Variants in C6 observed in about 807,000 individuals in gnomAD.
The protein encoded by C6 is complement C6.
A neutral mutation model predicts 112.9 loss-of-function variants in C6; 101 were observed. The observed-to-expected ratio is 0.89, with a 90% CI of 0.76 to 1.06. The LOEUF (loss-of-function observed/expected upper bound fraction) is 1.06. Among genes scored for constraint, C6 ranks in the 50% least tolerant of loss-of-function variants. C6 has a pLI of 0.00. For missense variants in C6, 1,202 were observed against 1,104.6 expected (o/e 1.09, Z -1.25); for synonymous variants, 431 against 384.1 (o/e 1.12, Z -1.43).
upstream of C6, among the ~76,000 whole-genome samples, chr5:41,216,230 A>G (rs776235715): frequency 1.3e-5 from 2 of 152,134 alleles, no homozygotes; most frequent in Non-Finnish European, 2.9e-5. Context: ...TTTGAAATCT[A>G]TGTGATAAAT....
intron 7 of C6, among the ~76,000 whole-genome samples, chr5:41,180,742 T>C (rs1749261088): frequency 6.6e-6 from 1 of 152,052 alleles, no homozygotes; most frequent in Admixed American, 6.6e-5. Flanking sequence ...GTCAGGATAT[T>C]CTTTATATTT....
At chr5:41,218,756 T>C (rs1352407681) in intron 1 of C6, among the ~76,000 whole-genome samples, 2 of 151,994 alleles carry the variant, frequency 1.3e-5, no homozygotes, top group African/African-American at 4.8e-5. Context: ...TTAAACACAG[T>C]GTGAAGCTTG....
rs1203420130 is a variant in C6 at position 41,160,335 on chromosome 5, G to T, written c.1491C>A (p.Ile497=). 2.5e-6 allele frequency: 4 copies of T among 1,613,758 alleles called. No homozygotes were observed. The highest frequency in any genetic ancestry group is 3.4e-6 in the Non-Finnish European group (4 of 1,179,784). The change falls in exon 11 of 18, where the codon ATC becomes ATA. Residue 497 remains isoleucine (I), a synonymous_variant. Coordinates refer to ENST00000337836, the MANE Select transcript of C6 (RefSeq NM_000065.5). The part of the protein sequence containing the change: ...LAPIVDLVRN[I]PCAVTKRNNL... Reference sequence around the variant, plus strand: ...TGTTCCGTTTTGTCACTGCACAGGGGATGTTTCTTACCAAGTCCACGATGG... The same window carrying T: ...TGTTCCGTTTTGTCACTGCACAGGGTATGTTTCTTACCAAGTCCACGATGG...
chr5:41,163,218 C>G (rs1747685351), intron 9 of C6, among the ~76,000 whole-genome samples: 1 of 150,842 alleles, frequency 6.6e-6, no homozygotes, highest in African/African-American at 2.4e-5. Context: ...ACAATCTTCT[C>G]AGAAGCCACA....
chr5:41,239,431 G>C (rs1177627731), intron 1 of C6, among the ~76,000 whole-genome samples: 1 of 151,986 alleles, frequency 6.6e-6, no homozygotes, highest in Non-Finnish European at 1.5e-5. Flanking sequence ...TCATTTCTAT[G>C]TGTTGGGAAT....
At chr5:41,204,350 A>T (rs563349832) in intron 1 of C6, among the ~76,000 whole-genome samples, 60 of 152,354 alleles carry the variant, frequency 3.9e-4, no homozygotes, top group Non-Finnish European at 7.2e-4. Flanking sequence ...CTAGCTTTTC[A>T]AATTAGTAAT....
At chr5:41,245,263 C>G (rs1323230980) in intron 1 of C6, among the ~76,000 whole-genome samples, 9 of 152,112 alleles carry the variant, frequency 5.9e-5, no homozygotes, top group African/African-American at 2.2e-4. Flanking sequence ...TGTGTGGTGG[C>G]TCACGCCTGT....
intron 1 of C6, among the ~76,000 whole-genome samples, chr5:41,207,384 C>T (rs1400447909): frequency 6.6e-6 from 1 of 152,166 alleles, no homozygotes; most frequent in Admixed American, 6.5e-5. Context: ...ACAATATTAA[C>T]CTTAAATGTA....
intron 1 of C6, among the ~76,000 whole-genome samples, chr5:41,233,563 A>G (rs1233173057): frequency 1.3e-5 from 2 of 152,112 alleles, no homozygotes; most frequent in Non-Finnish European, 2.9e-5. Context: ...AACGAGATGC[A>G]GCTATTCTCA....
rs186960114 is a variant in C6, at chr5:41,158,736, G to A, written c.1906C>T (p.Pro636Ser). ...CACCCGGAATCTGCTTCTATCTCAG[G>A]AAGATCGACCTCTTTCATTTCTTCG... ...DDEEMKEVDL[P>S]EIEADSGCPQ... Residue 636 changes from proline to serine, a missense_variant, in exon 13 of 18, where the codon CCT (proline) becomes TCT (serine). Transcript: ENST00000337836. 3.1e-6 allele frequency: 5 copies of A among 1,611,112 alleles called. No individual in the cohort carries two copies. In the African/African-American group the frequency reaches 4.0e-5, roughly 13 times the overall value.
chr5:41,224,965 T>G (rs191610519), intron 1 of C6, among the ~76,000 whole-genome samples: 14 of 152,296 alleles, frequency 9.2e-5, no homozygotes, highest in Admixed American at 7.2e-4. Context: ...TTACAGGAAA[T>G]TTGCGTATCC....
chr5:41,205,579 C>T (rs1341607001), intron 1 of C6, among the ~76,000 whole-genome samples: 2 of 152,218 alleles, frequency 1.3e-5, no homozygotes, highest in Admixed American at 1.3e-4. Flanking sequence ...TTATATCCCG[C>T]ACCTGGCTCG....
chr5:41,259,504 C>G (rs892286084), intron 1 of C6, among the ~76,000 whole-genome samples: 1 of 131,994 alleles, frequency 7.6e-6, no homozygotes, highest in Non-Finnish European at 1.6e-5. Flanking sequence ...CAATTTTCAG[C>G]CCCTGAAATT....
intron 5 of C6, among the ~76,000 whole-genome samples, chr5:41,194,565 T>C (rs1275830046): frequency 6.6e-6 from 1 of 152,200 alleles, no homozygotes; most frequent in African/African-American, 2.4e-5. Flanking sequence ...AGTTTTCATA[T>C]TATGCAACTC....
chr5:41,229,137 TA>T (rs1164640884), intron 1 of C6, among the ~76,000 whole-genome samples: 1 of 152,040 alleles, frequency 6.6e-6, no homozygotes, highest in East Asian at 1.9e-4. Context: ...AATCAACTCT[TA>T]ATTTTATTGA....
At chr5:41,152,064 G>A (rs1268786790) in intron 15 of C6, among the ~76,000 whole-genome samples, 2 of 151,716 alleles carry the variant, frequency 1.3e-5, no homozygotes, top group Non-Finnish European at 2.9e-5. Flanking sequence ...GGAGAGGAAA[G>A]GAGAGGAAAA....
At chr5:41,223,069 G>T (rs1739277650) in intron 1 of C6, among the ~76,000 whole-genome samples, 2 of 152,064 alleles carry the variant, frequency 1.3e-5, no homozygotes, top group Admixed American at 6.6e-5. Flanking sequence ...TTATGTTATT[G>T]TGAGGGATAA....
chr5:41,169,582 C>T lies in C6; in HGVS notation c.1291+2643G>A, dbSNP rs532658193. Among the ~76,000 whole-genome samples the T allele has an allele frequency of 3.9e-5, 6 of 152,102 alleles. No individual in the cohort carries two copies. The South Asian group carries it at 6.3e-4, about 16-fold the overall frequency. On this transcript the variant is annotated intron_variant, in intron 9 of 17. Transcript: ENST00000337836. ...AAGAAAAGAGGTTTAATTGGGTCAC[C>T]GTTCCACAGGCTGTACAGGAAGCCT...
chr5:41,158,813 A>G, intron 12 of C6, 28 bp from the exon 13 acceptor site: 3 of 1,268,436 alleles, frequency 2.4e-6, no homozygotes, highest in East Asian at 2.3e-5. Context: ...ATATGTGTGT[A>G]TATGTATGTA....
Sources: gnomAD v4.1 joint callset for allele counts (sites outside exome capture counted in the v4.1 genomes callset) on GRCh38, gnomAD v4.1.1 for gene constraint, MANE v1.5 for transcripts, NCBI Gene and HGNC (gene_info 2026-07-23, HGNC 2026-07-21) for gene names.